Variants in CELSR3 observed in about 807,000 individuals in gnomAD.
CELSR3 encodes EGF-like protein 1.
Under a neutral mutation model 270.0 loss-of-function variants are expected in CELSR3, and 73 were observed. The ratio of observed to expected loss-of-function variants is 0.27; its 90% confidence interval spans 0.22 to 0.33. The LOEUF (loss-of-function observed/expected upper bound fraction) is 0.33. Among genes scored for constraint, CELSR3 ranks in the 10% least tolerant of loss-of-function variants. The pLI is 1.00. For synonymous variants in CELSR3, 1,780 were observed against 1,905.4 expected (o/e 0.93, Z 1.71); for missense variants, 3,614 against 4,533.8 (o/e 0.80, Z 5.83).
At chr3:48,643,405 G>C (rs2047048209) in intron 28 of CELSR3, 149 bp downstream of exon 28, 7 of 1,096,100 alleles carry the variant, frequency 6.4e-6, no homozygotes, top group African/African-American at 3.2e-5. Context: ...AGCAGCTAGG[G>C]CCAGTGTCTG....
Position 48,654,499 on chromosome 3 carries a change from G to C in CELSR3, c.4989-47C>G, listed in dbSNP as rs2047163771. 2.0e-6 allele frequency: 3 copies of C among 1,510,018 alleles called. No individual in the cohort carries two copies. In the East Asian group the frequency reaches 6.8e-5, roughly 34 times the overall value. 93.5% of individuals were successfully genotyped at this position (1,510,018 alleles called of 1,614,324 possible). On this transcript the variant is annotated intron_variant, in intron 6 of 34. Transcript: ENST00000164024. This position sits in a 1 kb window ranked among gnomAD's most constrained non-coding sequence, Gnocchi z 5.4. ...CATTGGTGGGACTGGGGCCAGAGTA[G>C]AGTTGCTCCTGGGGGGCCACAGGAA... is the stretch of plus-strand genomic sequence containing the variant.
rs1575537743 is a variant in CELSR3, at chr3:48,641,024, A to G, written c.9025+300T>C. 17 of 403,472 alleles carry G rather than the reference A, an allele frequency of 4.2e-5. No homozygotes were observed. In the East Asian group the frequency reaches 7.9e-4, roughly 19 times the overall value. 25.0% of individuals were successfully genotyped at this position (403,472 alleles called of 1,614,324 possible). ...TCCAGATCAGAGCACGGGCTCTGGG[A>G]TCTGGGTGGGGGGCAGGGGGAAGCA... On this transcript the variant is annotated intron_variant, in intron 33 of 34. Coordinates refer to ENST00000164024, the MANE Select transcript of CELSR3 (RefSeq NM_001407.3). This position sits in a 1 kb window ranked among gnomAD's most constrained non-coding sequence, Gnocchi z 4.8.
At position 48,650,433 on chromosome 3, in the gene CELSR3, A is replaced by AGGGGGGGGGGGGGGGGGGGGGGGGGGGG; in HGVS notation, c.6472+46_6472+47insCCCCCCCCCCCCCCCCCCCCCCCCCCCC. ...GACATGGCTCTAGCAGTCAGAGTAC[A>AGGGGGGGGGGGGGGGGGGGGGGGGGGGG]GGCCCACCCCCACCCTCAGTGATGT... On this transcript the variant is annotated intron_variant, in intron 16 of 34. Transcript: ENST00000164024. This position sits in a 1 kb window ranked among gnomAD's most constrained non-coding sequence, Gnocchi z 5.1. The AGGGGGGGGGGGGGGGGGGGGGGGGGGGG allele has an allele frequency of 7.5e-6, 7 of 927,814 alleles. No homozygotes were observed. Among genetic ancestry groups the AGGGGGGGGGGGGGGGGGGGGGGGGGGGG allele is most frequent in the Middle Eastern group, 2.2e-4 (1 of 4,494 alleles). 57.5% of individuals were successfully genotyped at this position (927,814 alleles called of 1,614,324 possible). A position where few individuals can be genotyped will look rare whatever the true frequency, so the allele number is the denominator to read the frequency against.
rs747351042 is a variant in CELSR3, at chr3:48,640,208, G to A, written c.9377C>T (p.Pro3126Leu). 2 of 1,612,766 alleles carry A rather than the reference G, an allele frequency of 1.2e-6. No individual in the cohort carries two copies. The highest frequency in any genetic ancestry group is 2.2e-5 in the South Asian group (2 of 91,078). Reference protein sequence around the residue: ...DRGSTLPRRQPPRDYPGAMAG... With the variant: ...DRGSTLPRRQLPRDYPGAMAG... The stretch of plus-strand genomic sequence containing the variant: ...CATGGCGCCAGGGTAGTCCCGAGGT[G>A]GCTGCCTCCGTGGCAGGGTGCTGCC... Residue 3126 changes from proline to leucine, a missense_variant, in exon 34 of 35, where the codon CCA becomes CTA. Coordinates refer to ENST00000164024, the MANE Select transcript of CELSR3 (RefSeq NM_001407.3). The surrounding 1 kb of genome is among the most constrained non-coding windows in gnomAD (Gnocchi z 7.5).
In CELSR3 at chr3:48,656,165, G is replaced by T; in HGVS notation, c.4600C>A (p.Arg1534=). The T allele has an allele frequency of 6.5e-7, 1 of 1,537,156 alleles. No individual in the cohort carries two copies. The stretch of plus-strand genomic sequence containing the variant: ...GAGAGGGACAGCGTAAGGTGGAATC[G>T]CTGCCGCAGGCCGCGAAACATGACG... ...SFVMFRGLRQ[R]FHLTLSLSFA... The change falls in exon 3 of 35, where the codon CGA becomes AGA. Residue 1534 remains arginine (R), a synonymous_variant. Transcript: ENST00000164024.
In CELSR3 at chr3:48,654,370, T is replaced by A. The variant is rs959140876; in HGVS notation, c.5071A>T (p.Ile1691Phe). 2 of 1,613,870 alleles carry A rather than the reference T, an allele frequency of 1.2e-6. No individual in the cohort carries two copies. Among genetic ancestry groups the A allele is most frequent in the Non-Finnish European group, 8.5e-7 (1 of 1,179,878 alleles). The change falls in exon 7 of 35, where the codon ATC (isoleucine) becomes TTC (phenylalanine). Residue 1691 changes from isoleucine to phenylalanine, a missense_variant. Physicochemically the swap from Ile to Phe is conservative, Grantham distance 21. Transcript: ENST00000164024. This position sits in a 1 kb window ranked among gnomAD's most constrained non-coding sequence, Gnocchi z 5.4. ...ENFPVSHKDF[I>F]GCMRDLHIDG... ...ATGTGCAGGTCCCGCATACAGCCGA[T>A]GAAGTCCTTATGGGATACGGGGAAG...
chr3:48,640,170 C>T lies in CELSR3; in HGVS notation c.9415G>A (p.Gly3139Arg), dbSNP rs144038776. Residue 3139 changes from glycine to arginine, a missense_variant, in exon 34 of 35, where the codon GGG becomes AGG. Coordinates refer to ENST00000164024, the MANE Select transcript of CELSR3 (RefSeq NM_001407.3). The surrounding 1 kb of genome is among the most constrained non-coding windows in gnomAD (Gnocchi z 7.5). ...DYPGAMAGRFGSRDALDLGAP... is the reference protein window; with the variant it reads ...DYPGAMAGRFRSRDALDLGAP... ...CCTAAGTCGAGCGCATCCCGTGACC[C>T]GAAGCGGCCAGCCATGGCGCCAGGG... 79 of 1,612,550 alleles carry T rather than the reference C, an allele frequency of 4.9e-5. No homozygotes were observed. The highest frequency in any genetic ancestry group is 1.6e-4 in the Middle Eastern group (1 of 6,080).
rs1354537339 is a variant in CELSR3 at position 48,646,772 on chromosome 3, C to T, written c.7286G>A (p.Arg2429Gln). ...TGAGGGGCCTGAGTACCTGGCACCT[C>T]GGCGTTCTGCCTGGAACTGGGCAGG... is the stretch of plus-strand genomic sequence containing the variant. ...LLPAQFQAERRGARLPQNPVM... is the reference protein window; with the variant it reads ...LLPAQFQAERQGARLPQNPVM... The change falls in exon 21 of 35, where the codon CGA becomes CAA. Residue 2429 changes from arginine (R) to glutamine (Q), a missense_variant. Physicochemically the swap from Arg to Gln is conservative, Grantham distance 43 (BLOSUM62 1). Transcript: ENST00000164024. This position sits in a 1 kb window ranked among gnomAD's most constrained non-coding sequence, Gnocchi z 4.8. 8.7e-6 allele frequency: 14 copies of T among 1,608,846 alleles called. No homozygotes were observed. Among genetic ancestry groups the T allele is most frequent in the South Asian group, 4.4e-5 (4 of 90,736 alleles).
intron 28 of CELSR3, 91 bp from the exon 29 acceptor site, chr3:48,643,174 G>A (rs2047045894): frequency 1.2e-6 from 1 of 850,428 alleles, no homozygotes; most frequent in Non-Finnish European, 1.9e-6. Flanking sequence ...GTCAGTCACT[G>A]TAGGCTAGTG....
rs1280370834 is a variant in CELSR3 at position 48,651,839 on chromosome 3, G to C, written c.5923+38C>G. On this transcript the variant is annotated intron_variant, in intron 12 of 34. Transcript: ENST00000164024. This position sits in a 1 kb window ranked among gnomAD's most constrained non-coding sequence, Gnocchi z 7.4. ...TCTTCATCATGGGCCCCTAACGCCT[G>C]CCCAGGTCACCCTTCCCCCAACCCT... is the stretch of plus-strand genomic sequence containing the variant. 1.3e-6 allele frequency: 2 copies of C among 1,581,096 alleles called. No individual in the cohort carries two copies. Among genetic ancestry groups the C allele is most frequent in the Admixed American group, 3.7e-5 (2 of 53,842 alleles).
At position 48,662,639 on chromosome 3, in the gene CELSR3, C is replaced by A; in HGVS notation, c.-5G>T. 1 of 1,360,512 alleles carries A rather than the reference C, an allele frequency of 7.4e-7. No individual in the cohort carries two copies. 84.3% of individuals were successfully genotyped at this position (1,360,512 alleles called of 1,614,324 possible). On this transcript the variant is annotated 5_prime_UTR_variant, in exon 1 of 35. Coordinates refer to ENST00000164024, the MANE Select transcript of CELSR3 (RefSeq NM_001407.3). This position sits in a 1 kb window ranked among gnomAD's most constrained non-coding sequence, Gnocchi z 7.1. ...CGGCGGCCGCCTCGCCATCATCCCC[C>A]GCCTCCCTGCACGGCCTCCACCGCC...
chr3:48,638,605 G>A (rs1394846404), intron 34 of CELSR3, among the ~76,000 whole-genome samples: 1 of 149,704 alleles, frequency 6.7e-6, no homozygotes, highest in Non-Finnish European at 1.5e-5. Context: ...CTCTGCCTAA[G>A]GTCACGCAGC....
Position 48,658,503 on chromosome 3 carries a change from C to T in CELSR3, c.3748+384G>A, listed in dbSNP as rs1318398135. Among the ~76,000 whole-genome samples the T allele has an allele frequency of 2.0e-5, 3 of 152,150 alleles. No homozygotes were observed. Among genetic ancestry groups the T allele is most frequent in the East Asian group, 1.9e-4 (1 of 5,204 alleles). On this transcript the variant is annotated intron_variant, in intron 1 of 34. Coordinates refer to ENST00000164024, the MANE Select transcript of CELSR3 (RefSeq NM_001407.3). This position sits in a 1 kb window ranked among gnomAD's most constrained non-coding sequence, Gnocchi z 4.7. ...CAGATAGGGTAAGCGTCAGACTGGACCCAAAGTAACCCTTCGTCTGAACAT... is the reference window on the plus strand; with the variant it reads ...CAGATAGGGTAAGCGTCAGACTGGATCCAAAGTAACCCTTCGTCTGAACAT...
At chr3:48,656,080 G>C in intron 3 of CELSR3, 60 bp downstream of exon 3, 3 of 1,455,692 alleles carry the variant, frequency 2.1e-6, no homozygotes, top group South Asian at 1.2e-5. Flanking sequence ...TCAGGAATCT[G>C]AGTCAGGGCG....
intron 27 of CELSR3, chr3:48,643,921 G>A (rs978392251): frequency 3.2e-5 from 19 of 593,704 alleles, no homozygotes; most frequent in Non-Finnish European, 5.3e-5. Flanking sequence ...CACAAGGGAG[G>A]GCACGGAAGA....
chr3:48,648,340 T>A lies in CELSR3; in HGVS notation c.6899A>T (p.Glu2300Val). The change falls in exon 19 of 35, where the codon GAG becomes GTG. Residue 2300 changes from glutamate (E) to valine (V), a missense_variant. This residue lies in a region of CELSR3 where 1,331 missense variants were observed against 1,933.7 expected (regional missense o/e 0.69). Transcript: ENST00000164024. Reference protein sequence around the residue: ...GSAGLVRHLEEYAATLARNME... With the variant: ...GSAGLVRHLEVYAATLARNME... ...ATTCCTTGCGAGTGTGGCTGCATACTCCTCCAGGTGCCTCACCAGTCCCGC... is the reference window on the plus strand; with the variant it reads ...ATTCCTTGCGAGTGTGGCTGCATACACCTCCAGGTGCCTCACCAGTCCCGC... 6.4e-7 allele frequency: 1 copy of A among 1,559,796 alleles called. No homozygotes were observed. Among genetic ancestry groups the A allele is most frequent in the Non-Finnish European group, 8.7e-7 (1 of 1,146,116 alleles).
chr3:48,646,818 G>A lies in CELSR3; in HGVS notation c.7240C>T (p.Arg2414Cys), dbSNP rs2047088737. ...GISIIILLVY[R>C]TLGGLLPAQF... ...GCAGGGAGCAGTCCCCCTAAGGTGC[G>A]GTAAACGAGGAGAATGATAATGGAG... Residue 2414 changes from arginine to cysteine, a missense_variant, in exon 21 of 35, where the codon CGC becomes TGC. By Grantham distance (180) the Arg-to-Cys change is radical. Coordinates refer to ENST00000164024, the MANE Select transcript of CELSR3 (RefSeq NM_001407.3). The surrounding 1 kb of genome is among the most constrained non-coding windows in gnomAD (Gnocchi z 4.8). 6.2e-7 allele frequency: 1 copy of A among 1,606,710 alleles called. No homozygotes were observed. Among genetic ancestry groups the A allele is most frequent in the South Asian group, 1.1e-5 (1 of 90,520 alleles).
chr3:48,641,262 G>T lies in CELSR3; in HGVS notation c.9025+62C>A. On this transcript the variant is annotated intron_variant, in intron 33 of 34. Transcript: ENST00000164024. This position sits in a 1 kb window ranked among gnomAD's most constrained non-coding sequence, Gnocchi z 4.8. ...TGGGATGAGGAAGCTGCAATCCCTTGGCTCAGGGCATGAGCAGCCCCCAGC... is the reference window on the plus strand; with the variant it reads ...TGGGATGAGGAAGCTGCAATCCCTTTGCTCAGGGCATGAGCAGCCCCCAGC... 1.8e-6 allele frequency: 2 copies of T among 1,108,214 alleles called. No homozygotes were observed. The highest frequency in any genetic ancestry group is 2.4e-5 in the East Asian group (1 of 42,442). 68.6% of individuals were successfully genotyped at this position (1,108,214 alleles called of 1,614,324 possible).
chr3:48,656,495 C>T (rs1192592422), intron 2 of CELSR3, 130 bp from the exon 3 acceptor site: 2 of 1,130,306 alleles, frequency 1.8e-6, no homozygotes, highest in Non-Finnish European at 2.4e-6. Flanking sequence ...TGGACACGCC[C>T]CTTCCGTCTG....
Sources: gnomAD v4.1 joint callset for allele counts (sites outside exome capture counted in the v4.1 genomes callset) on GRCh38, gnomAD v4.1.1 for gene constraint, gnomAD v4.1.1 regional missense constraint, Gnocchi (gnomAD v3.1) non-coding constraint, MANE v1.5 for transcripts, NCBI Gene and HGNC (gene_info 2026-07-23, HGNC 2026-07-21) for gene names.